Variants in NXN observed in about 807,000 individuals in gnomAD.
NXN encodes nucleoredoxin 1.
Under a neutral mutation model 48.6 loss-of-function variants are expected in NXN, and 16 were observed. That is an observed-to-expected ratio of 0.33 (90% CI 0.22 to 0.50). NXN has a LOEUF of 0.50. NXN is among the 20% of genes least tolerant of loss of function. The pLI is 0.98. For synonymous variants in NXN, 281 were observed against 269.6 expected (o/e 1.04, Z -0.41); for missense variants, 492 against 605.5 (o/e 0.81, Z 1.97).
chr17:897,124 G>C (rs1208091625), intron 1 of NXN: 3 of 935,952 alleles, frequency 3.2e-6, no homozygotes, highest in Non-Finnish European at 4.0e-6. Context: ...ATTTCCCATG[G>C]GAGAAAGAAA....
intron 1 of NXN, among the ~76,000 whole-genome samples, chr17:948,838 TC>T (rs1417248121): frequency 1.7e-3 from 115 of 67,238 alleles, no homozygotes; most frequent in African/African-American, 3.4e-3. Flanking sequence ...CCTCCTCCTC[TC>T]CCCCCTGCCT....
intron 1 of NXN, among the ~76,000 whole-genome samples, chr17:953,873 C>A (rs891355360): frequency 1.3e-5 from 2 of 151,944 alleles, no homozygotes; most frequent in African/African-American, 4.8e-5. Flanking sequence ...GAGGTTGAGG[C>A]TGCAGTGGGC....
chr17:817,565 A>T (rs1912548748), intron 5 of NXN, among the ~76,000 whole-genome samples: 1 of 151,132 alleles, frequency 6.6e-6, no homozygotes, highest in African/African-American at 2.4e-5. Context: ...GCTACTGGGG[A>T]GGCTGAGGCA....
At chr17:843,311 T>G (rs1286847973) in intron 1 of NXN, among the ~76,000 whole-genome samples, 1 of 152,202 alleles carries the variant, frequency 6.6e-6, no homozygotes, top group Non-Finnish European at 1.5e-5. Context: ...ACTGTGCCAT[T>G]CGACTTCCTG....
chr17:960,198 A>G (rs2069220949), intron 1 of NXN, among the ~76,000 whole-genome samples: 1 of 152,208 alleles, frequency 6.6e-6, no homozygotes, highest in African/African-American at 2.4e-5. Context: ...CAATGGGGGT[A>G]TTTACTTCAA....
chr17:890,555 T>C (rs1567850733), intron 1 of NXN, among the ~76,000 whole-genome samples: 1 of 150,872 alleles, frequency 6.6e-6, no homozygotes, highest in Non-Finnish European at 1.5e-5. Context: ...TTTGTATTTT[T>C]TTTTTTAGTA....
intron 1 of NXN, among the ~76,000 whole-genome samples, chr17:960,854 C>T (rs2069228303): frequency 2.0e-5 from 3 of 146,768 alleles, no homozygotes; most frequent in African/African-American, 5.2e-5. Flanking sequence ...GGCGCAATCT[C>T]GGCTCACTGC....
intron 7 of NXN, among the ~76,000 whole-genome samples, chr17:802,115 G>A (rs1215909802): frequency 2.0e-5 from 3 of 152,080 alleles, no homozygotes; most frequent in Admixed American, 2.0e-4. Flanking sequence ...GAAAGGATTT[G>A]TAAGGGAGCT....
At chr17:843,735 A>G (rs2067827003) in intron 1 of NXN, among the ~76,000 whole-genome samples, 1 of 152,196 alleles carries the variant, frequency 6.6e-6, no homozygotes, top group Admixed American at 6.5e-5. Context: ...TTACTAGGAA[A>G]GAGCTCAGAT....
At position 932,197 on chromosome 17, in the gene NXN, G is replaced by GA. The variant is rs2068862281; in HGVS notation, c.360+47121dup. ...AAATGTTTAATTATTTGGAATCCTGGAAAAAAAAGCTAAGGCAAAGCTGAT... is the reference window on the plus strand; with the variant it reads ...AAATGTTTAATTATTTGGAATCCTGGAAAAAAAAAGCTAAGGCAAAGCTGAT... On this transcript the variant is annotated intron_variant, in intron 1 of 7. Coordinates refer to ENST00000336868, the MANE Select transcript of NXN (RefSeq NM_022463.5). The surrounding 1 kb of genome is among the most constrained non-coding windows in gnomAD (Gnocchi z 4.1). Among the ~76,000 whole-genome samples, 1 of 151,946 alleles carries GA rather than the reference G, an allele frequency of 6.6e-6. No homozygotes were observed. Among genetic ancestry groups the GA allele is most frequent in the Admixed American group, 6.6e-5 (1 of 15,232 alleles).
intron 5 of NXN, among the ~76,000 whole-genome samples, chr17:805,879 T>C (rs1001517385): frequency 3.9e-5 from 6 of 152,024 alleles, no homozygotes; most frequent in Non-Finnish European, 7.4e-5. Flanking sequence ...CACAGGGTCA[T>C]GGCGCATCGG....
intron 1 of NXN, among the ~76,000 whole-genome samples, chr17:979,106 GAA>G (rs1183225101): frequency 0.16 from 6,354 of 39,624 alleles, 481 homozygotes; most frequent in East Asian, 0.34. Flanking sequence ...GCACAGCGCG[GAA>G]GGGGGGGGGG....
chr17:912,555 T>C (rs1050955766), intron 1 of NXN, among the ~76,000 whole-genome samples: 2 of 152,072 alleles, frequency 1.3e-5, no homozygotes, highest in African/African-American at 4.8e-5. Flanking sequence ...ACTTCTTTAA[T>C]TGCAAACAGA....
At chr17:807,293 A>C (rs971501950) in intron 5 of NXN, among the ~76,000 whole-genome samples, 5 of 152,180 alleles carry the variant, frequency 3.3e-5, no homozygotes, top group Non-Finnish European at 7.4e-5. Context: ...GAAATTGGGC[A>C]ATTATGAGCA....
chr17:811,433 A>G (rs974645974), intron 5 of NXN, among the ~76,000 whole-genome samples: 2 of 151,930 alleles, frequency 1.3e-5, no homozygotes, highest in Admixed American at 1.3e-4. Context: ...GTGTGTTGAC[A>G]ACGGTCTCCT....
At chr17:972,494 AG>A (rs2069397461) in intron 1 of NXN, among the ~76,000 whole-genome samples, 1 of 152,028 alleles carries the variant, frequency 6.6e-6, no homozygotes, top group African/African-American at 2.4e-5. Context: ...AAAGAAAAAA[AG>A]GAAAGAAAAC....
chr17:868,432 G>A (rs1265436770), intron 1 of NXN, among the ~76,000 whole-genome samples: 3 of 151,584 alleles, frequency 2.0e-5, no homozygotes, highest in Admixed American at 2.0e-4. Context: ...TAACGCCTTC[G>A]CGCTCCCCAA....
chr17:923,742 G>GAT (rs1014650277), intron 1 of NXN, among the ~76,000 whole-genome samples: 4 of 152,282 alleles, frequency 2.6e-5, no homozygotes, highest in African/African-American at 9.6e-5. Flanking sequence ...TAGAAACTTT[G>GAT]ATAAGCAGCA....
In NXN at chr17:919,933, T is replaced by C. The variant is rs1344623932; in HGVS notation, c.360+59386A>G. ...GCCATGGCGGAAAATGTACCTTCCA[T>C]CTCTCTCTGCCTCAGCCCCCACCGG... is the stretch of plus-strand genomic sequence containing the variant. On this transcript the variant is annotated intron_variant, in intron 1 of 7. Transcript: ENST00000336868. The surrounding 1 kb of genome is among the most constrained non-coding windows in gnomAD (Gnocchi z 5.1). Among the ~76,000 whole-genome samples, 3 of 151,964 alleles carry C rather than the reference T, an allele frequency of 2.0e-5. No homozygotes were observed. The highest frequency in any genetic ancestry group is 1.3e-4 in the Admixed American group (2 of 15,218).
Sources: allele counts gnomAD v4.1 joint callset (sites outside exome capture counted in the v4.1 genomes callset), GRCh38; gene constraint gnomAD v4.1.1; non-coding constraint Gnocchi (gnomAD v3.1); transcripts MANE v1.5; gene names NCBI Gene and HGNC (gene_info 2026-07-23, HGNC 2026-07-21).